USP34: variants seen among roughly 807,000 people sequenced by gnomAD.
USP34 encodes the protein ubiquitin specific peptidase 34, also known as ubiquitin carboxyl-terminal hydrolase 34.
Under a neutral mutation model 460.3 loss-of-function variants are expected in USP34, and 70 were observed. The observed-to-expected ratio is 0.15, with a 90% CI of 0.13 to 0.19. The LOEUF (loss-of-function observed/expected upper bound fraction) is 0.19, where lower values mean the gene tolerates loss of function less well. Among genes scored for constraint, USP34 ranks in the 10% least tolerant of loss-of-function variants. The pLI, the probability that USP34 is intolerant of heterozygous loss-of-function variation, is 1.00. For synonymous variants in USP34, 1,647 were observed against 1,405.3 expected, an observed-to-expected ratio of 1.17 and a Z score of -3.85; for missense variants, 3,985 against 4,236.2, an observed-to-expected ratio of 0.94 and a Z score of 1.65.
At chr2:61,420,700 A>C (rs770296983) in intron 2 of USP34, 46 bp downstream of exon 2, 2 of 1,484,598 alleles carry the variant, frequency 1.3e-6, no homozygotes, top group South Asian at 2.6e-5. Context: ...GCAACTTATA[A>C]CACAACTCAC....
chr2:61,237,554 A>ATTTTTTT lies in USP34; in HGVS notation c.6778-1172_6778-1166dup, dbSNP rs71403400. 4.4e-5 allele frequency among the ~76,000 whole-genome samples: 2 copies of ATTTTTTT among 45,126 alleles called. 1 individual carries two copies. Among genetic ancestry groups the ATTTTTTT allele is most frequent in the Non-Finnish European group, 8.2e-5 (2 of 24,398 alleles). 29.6% of individuals were successfully genotyped at this position (45,126 alleles called of 152,430 possible). The stretch of plus-strand genomic sequence containing the variant: ...GTATGTGTATAGCTATTTTCTGTGG[A>ATTTTTTT]TTTTTTTTTTTTTTTTTTTTTTTTT... On this transcript the variant is annotated intron_variant, in intron 53 of 79. Transcript: ENST00000398571.
chr2:61,305,649 T>C (rs1340330497), intron 27 of USP34, among the ~76,000 whole-genome samples: 2 of 152,122 alleles, frequency 1.3e-5, no homozygotes, highest in African/African-American at 4.8e-5. Context: ...TAACCTTTTC[T>C]AAGTTTGATA....
intron 29 of USP34, among the ~76,000 whole-genome samples, chr2:61,298,225 C>T (rs922803422): frequency 5.3e-5 from 8 of 151,524 alleles, no homozygotes; most frequent in African/African-American, 1.9e-4. Context: ...AAATAAGATT[C>T]AATAAAATAT....
In USP34 at chr2:61,236,346, A is replaced by G. The variant is rs1407990370; in HGVS notation, c.6821T>C (p.Ile2274Thr). ...TTACCCAAAATATGTATGTTCAAAA[A>G]TGTTTTTGTCTTGAAGAAACTGCAT... The part of the protein sequence containing the change: ...DNMQFLQDKN[I>T]FEHTYFGFMW... Residue 2274 changes from isoleucine (I) to threonine (T), a missense_variant, in exon 54 of 80, where the codon ATT becomes ACT. By Grantham distance (89) the Ile-to-Thr change is moderately conservative. Around this residue, in one of 14 missense-constraint regions of USP34, gnomAD observed 604 missense variants for 684.8 expected, o/e 0.88. Coordinates refer to ENST00000398571, the MANE Select transcript of USP34 (RefSeq NM_014709.4). 1.2e-6 allele frequency: 2 copies of G among 1,604,716 alleles called. No homozygotes were observed. The highest frequency in any genetic ancestry group is 2.7e-5 in the African/African-American group (2 of 74,476).
intron 70 of USP34, chr2:61,207,754 C>A (rs1331236109): frequency 6.6e-6 from 1 of 152,164 alleles, no homozygotes; most frequent in Non-Finnish European, 1.5e-5. Flanking sequence ...TCTTACTACT[C>A]CTCTTCACCT....
At chr2:61,230,017 T>G (rs975380935) in intron 58 of USP34, among the ~76,000 whole-genome samples, 1 of 151,656 alleles carries the variant, frequency 6.6e-6, no homozygotes, top group Admixed American at 6.6e-5. Flanking sequence ...GAGAAGGAAA[T>G]GTGAGGATTC....
chr2:61,228,694 G>A lies in USP34; in HGVS notation c.7394C>T (p.Ala2465Val). Residue 2465 changes from alanine to valine, a missense_variant, in exon 61 of 80, where the codon GCT becomes GTT. Ala to Val is a moderately conservative substitution (Grantham distance 64). Coordinates refer to ENST00000398571, the MANE Select transcript of USP34 (RefSeq NM_014709.4). The part of the protein sequence containing the change: ...EESQFLLSLQ[A>V]ISTMVHFYMG... ...GTAAAAATGTACCATTGTAGATATA[G>A]CTTGCAATGAAAGCAAAAATTGGCT... The A allele has an allele frequency of 1.9e-6, 3 of 1,611,040 alleles. No homozygotes were observed. The highest frequency in any genetic ancestry group is 2.5e-6 in the Non-Finnish European group (3 of 1,179,008).
chr2:61,462,134 G>A (rs1695618734), intron 1 of USP34, among the ~76,000 whole-genome samples: 2 of 151,846 alleles, frequency 1.3e-5, no homozygotes, highest in African/African-American at 4.8e-5. Context: ...AGCTACCCAG[G>A]AGGTTGAGGC....
Position 61,467,869 on chromosome 2 carries a change from C to T in USP34, c.43+2781G>A, listed in dbSNP as rs144106423. ...AGCTCCTGACCTTGTGATCCGCCCA[C>T]CTCGGCCTCCCAAAGTGTTGGGAAT... On this transcript the variant is annotated intron_variant, in intron 1 of 79. Coordinates refer to ENST00000398571, the MANE Select transcript of USP34 (RefSeq NM_014709.4). Among the ~76,000 whole-genome samples the T allele has an allele frequency of 2.5e-3, 383 of 152,096 alleles. 11 individuals are homozygous for T. The East Asian group carries it at 0.063, about 25-fold the overall frequency.
chr2:61,453,029 TA>T (rs932674977), intron 1 of USP34, among the ~76,000 whole-genome samples: 15 of 151,420 alleles, frequency 9.9e-5, no homozygotes, highest in Non-Finnish European at 1.8e-4. Flanking sequence ...CTAATATTTT[TA>T]AAAAAAAAGG....
At chr2:61,410,315 G>T (rs1694001281) in intron 2 of USP34, among the ~76,000 whole-genome samples, 1 of 152,194 alleles carries the variant, frequency 6.6e-6, no homozygotes, top group Non-Finnish European at 1.5e-5. Context: ...GTGCAACCTA[G>T]ATCCCTCACA....
intron 43 of USP34, 110 bp downstream of exon 43, chr2:61,265,287 T>C: frequency 1.6e-6 from 2 of 1,264,328 alleles, no homozygotes; most frequent in Non-Finnish European, 2.2e-6. Flanking sequence ...AAATTTACTT[T>C]TATTCACAAA....
intron 37 of USP34, 83 bp from the exon 38 acceptor site, chr2:61,281,325 T>TGAC: frequency 6.8e-7 from 1 of 1,466,544 alleles, no homozygotes; most frequent in Non-Finnish European, 9.2e-7. Context: ...TTAGGTGATT[T>TGAC]TAAATACAAT....
intron 41 of USP34, among the ~76,000 whole-genome samples, chr2:61,267,058 T>C (rs889186800): frequency 1.3e-5 from 2 of 152,222 alleles, no homozygotes; most frequent in Non-Finnish European, 2.9e-5. Flanking sequence ...ACGTTCTTGG[T>C]ATACAATACA....
Position 61,214,513 on chromosome 2 carries a change from A to T in USP34, c.8229T>A (p.Asp2743Glu), listed in dbSNP as rs1406046172. The change falls in exon 68 of 80, where the codon GAT (aspartate) becomes GAA (glutamate). Residue 2743 changes from aspartate (D) to glutamate (E), a missense_variant. Asp to Glu is a conservative substitution (Grantham distance 45). Transcript: ENST00000398571. ...GCTTTGTAGTGCCATGAACAGCAGC[A>T]TCAACATAAAGTTTGGCTCTTGAGA... ...GLLSRAKLYVDAAVHGTTKLV... is the reference protein window; with the variant it reads ...GLLSRAKLYVEAAVHGTTKLV... 1.9e-6 allele frequency: 3 copies of T among 1,613,510 alleles called. No individual in the cohort carries two copies. The highest frequency in any genetic ancestry group is 2.5e-6 in the Non-Finnish European group (3 of 1,179,858).
chr2:61,351,345 A>C (rs1169694517), intron 10 of USP34, among the ~76,000 whole-genome samples: 2 of 152,212 alleles, frequency 1.3e-5, no homozygotes, highest in South Asian at 2.1e-4. Flanking sequence ...CCTTATAAAG[A>C]TCTATAAAAT....
At chr2:61,319,151 A>C in intron 22 of USP34, 22 bp downstream of exon 22, 1 of 1,532,598 alleles carries the variant, frequency 6.5e-7, no homozygotes, top group Non-Finnish European at 8.7e-7. Flanking sequence ...AAATAATAAC[A>C]AACTGAGAGA....
At chr2:61,313,918 A>C (rs1690669412) in intron 25 of USP34, among the ~76,000 whole-genome samples, 1 of 152,122 alleles carries the variant, frequency 6.6e-6, no homozygotes, top group Non-Finnish European at 1.5e-5. Flanking sequence ...TAACTTTAAC[A>C]ATTTTTTTCA....
intron 5 of USP34, among the ~76,000 whole-genome samples, chr2:61,387,914 T>C (rs190448500): frequency 6.9e-6 from 1 of 145,586 alleles, no homozygotes; most frequent in African/African-American, 2.6e-5. Context: ...TAAGCATATG[T>C]AAAAATATAT....
Sources: gnomAD v4.1 joint callset for allele counts (sites outside exome capture counted in the v4.1 genomes callset) on GRCh38, gnomAD v4.1.1 for gene constraint, gnomAD v4.1.1 regional missense constraint, MANE v1.5 for transcripts, NCBI Gene and HGNC (gene_info 2026-07-23, HGNC 2026-07-21) for gene names.